Variants in GPC5 observed in about 807,000 individuals in gnomAD.
GPC5 encodes the protein glypican-5.
Under a neutral mutation model 53.9 loss-of-function variants are expected in GPC5, and 47 were observed. The ratio of observed to expected loss-of-function variants is 0.87; its 90% CI spans 0.69 to 1.11. GPC5 has a LOEUF of 1.11. Ranked by LOEUF, GPC5 falls within the 50% of genes most tolerant of loss-of-function variation. GPC5 has a pLI of 0.00. For missense variants in GPC5, 748 were observed against 713.1 expected, an observed-to-expected ratio of 1.05 and a Z score of -0.56; for synonymous variants, 286 against 263.3, an observed-to-expected ratio of 1.09 and a Z score of -0.84.
intron 2 of GPC5, among the ~76,000 whole-genome samples, chr13:91,471,194 C>T (rs988627416): frequency 6.6e-6 from 1 of 152,080 alleles, no homozygotes; most frequent in Non-Finnish European, 1.5e-5. Flanking sequence ...GTAACAGTCA[C>T]CCCCTTGGGG....
intron 7 of GPC5, among the ~76,000 whole-genome samples, chr13:92,853,151 C>T (rs982549689): frequency 6.6e-6 from 1 of 152,070 alleles, no homozygotes; most frequent in African/African-American, 2.4e-5. Flanking sequence ...CAACTTTAAA[C>T]AGAGACTCTA....
intron 7 of GPC5, among the ~76,000 whole-genome samples, chr13:92,385,337 CAT>C (rs1293534012): frequency 3.5e-4 from 40 of 115,776 alleles, no homozygotes; most frequent in African/African-American, 4.3e-4. Flanking sequence ...TACATATATA[CAT>C]ATATATACAT....
intron 7 of GPC5, among the ~76,000 whole-genome samples, chr13:92,246,192 A>G (rs7998789): frequency 0.64 from 97,613 of 151,494 alleles, 32,447 homozygotes; most frequent in African/African-American, 0.8. Flanking sequence ...GGAAAGTCAA[A>G]TTTAAACGGC....
chr13:92,550,657 A>T (rs1882280740), intron 7 of GPC5, among the ~76,000 whole-genome samples: 1 of 151,876 alleles, frequency 6.6e-6, no homozygotes, highest in South Asian at 2.1e-4. Flanking sequence ...ATGTTTAGGT[A>T]TACATGTTTG....
At chr13:92,086,786 G>A (rs767931058) in intron 6 of GPC5, among the ~76,000 whole-genome samples, 7 of 152,046 alleles carry the variant, frequency 4.6e-5, no homozygotes, top group Non-Finnish European at 1.0e-4. Context: ...AGCCTCCCAA[G>A]TAGCTGGGAT....
At chr13:92,162,626 G>C (rs539922494) in intron 7 of GPC5, among the ~76,000 whole-genome samples, 1 of 152,112 alleles carries the variant, frequency 6.6e-6, no homozygotes, top group Non-Finnish European at 1.5e-5. Flanking sequence ...AGAATGCTGG[G>C]GATTCTTGGG....
chr13:92,070,238 G>T (rs1262585635), intron 6 of GPC5, among the ~76,000 whole-genome samples: 1 of 152,142 alleles, frequency 6.6e-6, no homozygotes, highest in Non-Finnish European at 1.5e-5. Context: ...AACTAAGTGT[G>T]GCTAACAATC....
intron 5 of GPC5, among the ~76,000 whole-genome samples, chr13:91,776,420 T>A (rs899805307): frequency 6.6e-6 from 1 of 152,208 alleles, no homozygotes; most frequent in African/African-American, 2.4e-5. Flanking sequence ...AATATTAGGA[T>A]TATGTCTAGT....
At position 91,543,646 on chromosome 13, in the gene GPC5, A is replaced by G. The variant is rs183969447; in HGVS notation, c.325+94724A>G. 2.9e-3 allele frequency among the ~76,000 whole-genome samples: 449 copies of G among 152,310 alleles called. 2 individuals carry two copies. The highest frequency in any genetic ancestry group is 0.024 in the Middle Eastern group (7 of 294). On this transcript the variant is annotated intron_variant, in intron 2 of 7. Transcript: ENST00000377067. ...TTCTGTGCATTGATAAAGATGTTGA[A>G]TCTATACAGTTATGTGCTAAAGTGA...
intron 7 of GPC5, among the ~76,000 whole-genome samples, chr13:92,367,232 C>T (rs1435581312): frequency 6.6e-6 from 1 of 152,130 alleles, no homozygotes; most frequent in Non-Finnish European, 1.5e-5. Context: ...ATTTTCATAG[C>T]TATGAGACTT....
At chr13:92,320,297 A>C (rs2043207439) in intron 7 of GPC5, among the ~76,000 whole-genome samples, 2 of 152,146 alleles carry the variant, frequency 1.3e-5, no homozygotes, top group South Asian at 4.1e-4. Context: ...CACTTGAGGG[A>C]AAGTTAAAAT....
intron 2 of GPC5, among the ~76,000 whole-genome samples, chr13:91,589,012 C>G (rs771696708): frequency 2.1e-4 from 32 of 152,082 alleles, no homozygotes; most frequent in Non-Finnish European, 4.3e-4. Context: ...AAAATTTTCT[C>G]CCATTATCTC....
chr13:92,175,231 T>C (rs1382454279), intron 7 of GPC5, among the ~76,000 whole-genome samples: 1 of 152,246 alleles, frequency 6.6e-6, no homozygotes, highest in Admixed American at 6.5e-5. Context: ...ATATATTTAT[T>C]AACCTGTTTT....
At position 92,789,491 on chromosome 13, in the gene GPC5, C is replaced by T. The variant is rs542777130; in HGVS notation, c.1562-76791C>T. Among the ~76,000 whole-genome samples the T allele has an allele frequency of 1.2e-3, 183 of 152,162 alleles. 4 individuals are homozygous for T. In the South Asian group the frequency reaches 0.036, roughly 30 times the overall value. ...TGGTAGGAATGGTTTATTTATTTAA[C>T]AAACTCAGGTCATTTATCATGTGTG... is the stretch of plus-strand genomic sequence containing the variant. On this transcript the variant is annotated intron_variant, in intron 7 of 7. Coordinates refer to ENST00000377067, the MANE Select transcript of GPC5 (RefSeq NM_004466.6).
intron 7 of GPC5, among the ~76,000 whole-genome samples, chr13:92,309,120 T>C (rs2043129781): frequency 6.6e-6 from 1 of 152,112 alleles, no homozygotes; most frequent in Non-Finnish European, 1.5e-5. Context: ...ATGAAGTGAA[T>C]ATAGACCCTA....
chr13:92,665,472 T>C (rs1886537857), intron 7 of GPC5, among the ~76,000 whole-genome samples: 2 of 152,144 alleles, frequency 1.3e-5, no homozygotes, highest in South Asian at 4.1e-4. Flanking sequence ...AGCAATAGCA[T>C]ATCTATGCCT....
intron 7 of GPC5, among the ~76,000 whole-genome samples, chr13:92,462,913 T>C (rs1436313567): frequency 5.9e-5 from 9 of 151,930 alleles, no homozygotes; most frequent in Non-Finnish European, 1.0e-4. Context: ...ATGGGGTTTC[T>C]CCATGTTGGT....
At chr13:92,752,919 G>T (rs1348166210) in intron 7 of GPC5, among the ~76,000 whole-genome samples, 2 of 152,190 alleles carry the variant, frequency 1.3e-5, no homozygotes, top group African/African-American at 2.4e-5. Flanking sequence ...GGGGAGGGGC[G>T]CATACCATTG....
At chr13:92,419,206 C>G (rs1173898823) in intron 7 of GPC5, among the ~76,000 whole-genome samples, 2 of 152,292 alleles carry the variant, frequency 1.3e-5, no homozygotes, top group South Asian at 2.1e-4. Context: ...GAAGACAAAT[C>G]TTAGCTCTCA....
Sources: gnomAD v4.1 joint callset for allele counts (sites outside exome capture counted in the v4.1 genomes callset) on GRCh38, gnomAD v4.1.1 for gene constraint, MANE v1.5 for transcripts, NCBI Gene and HGNC (gene_info 2026-07-23, HGNC 2026-07-21) for gene names.